FBXO32: variants seen among roughly 807,000 people sequenced by gnomAD.
The protein encoded by FBXO32 is F-box protein 32.
A neutral mutation model predicts 48.3 loss-of-function variants in FBXO32; 15 were observed. The observed-to-expected ratio is 0.31, with a 90% CI of 0.21 to 0.48. FBXO32 has a LOEUF of 0.48. FBXO32 is among the 20% of genes least tolerant of loss of function. FBXO32 has a pLI of 0.99. For synonymous variants in FBXO32, 154 were observed against 165.9 expected, an observed-to-expected ratio of 0.93 and a Z score of 0.55; for missense variants, 309 against 432.7, an observed-to-expected ratio of 0.71 and a Z score of 2.54.
chr8:123,512,534 T>C (rs903183497), intron 6 of FBXO32, among the ~76,000 whole-genome samples: 4 of 151,298 alleles, frequency 2.6e-5, no homozygotes, highest in African/African-American at 4.9e-5. Flanking sequence ...CCTCCCTTTT[T>C]TTTTTTTTTT....
In FBXO32 at chr8:123,503,430, T is replaced by C; in HGVS notation, c.1011A>G (p.Pro337=). 6.2e-7 allele frequency: 1 copy of C among 1,614,194 alleles called. No homozygotes were observed. The highest frequency in any genetic ancestry group is 1.1e-5 in the South Asian group (1 of 91,088). The change falls in exon 9 of 9, where the codon CCA becomes CCG. Residue 337 remains proline, a synonymous_variant. Coordinates refer to ENST00000517956, the MANE Select transcript of FBXO32 (RefSeq NM_058229.4). ...GTDHPCTANN[P]ESCSVSLSPQ... ...GTGAAAGTGAAACGGAGCAGCTCTC[T>C]GGGTTATTGGCAGTGCACGGATGGT...
chr8:123,540,820 T>C lies in FBXO32; in HGVS notation c.116+79A>G, dbSNP rs1253758099. 25 of 1,222,740 alleles carry C rather than the reference T, an allele frequency of 2.0e-5. No homozygotes were observed. The highest frequency in any genetic ancestry group is 2.6e-5 in the Non-Finnish European group (22 of 853,412). 75.7% of individuals were successfully genotyped at this position (1,222,740 alleles called of 1,614,324 possible). A position where few individuals can be genotyped will look rare whatever the true frequency, so the allele number is the denominator to read the frequency against. ...AGCCCGCTCCAGCCCTGCCTGCCCC[T>C]CATTCGCCGTCCCTGCGCCCCCCAG... On this transcript the variant is annotated intron_variant, in intron 1 of 8. Transcript: ENST00000517956. This position sits in a 1 kb window ranked among gnomAD's most constrained non-coding sequence, Gnocchi z 6.4.
intron 7 of FBXO32, 96 bp from the exon 8 acceptor site, chr8:123,504,843 C>T: frequency 1.6e-6 from 2 of 1,223,866 alleles, no homozygotes; most frequent in Non-Finnish European, 2.3e-6. Flanking sequence ...CTCACCCTTT[C>T]CCCCTCTTTT....
intron 4 of FBXO32, chr8:123,527,242 C>A (rs909761191): frequency 2.6e-5 from 4 of 152,178 alleles, no homozygotes; most frequent in Non-Finnish European, 5.9e-5. Flanking sequence ...CCCTCACTGG[C>A]TAGTGGCAGG....
At chr8:123,515,042 ATAT>A (rs2130520168) in intron 4 of FBXO32, among the ~76,000 whole-genome samples, 1 of 152,324 alleles carries the variant, frequency 6.6e-6, no homozygotes, top group Admixed American at 6.5e-5. Flanking sequence ...GCAAGTTACT[ATAT>A]TTCTTGGTGC....
At chr8:123,518,124 G>A (rs780429890) in intron 4 of FBXO32, among the ~76,000 whole-genome samples, 1 of 152,294 alleles carries the variant, frequency 6.6e-6, no homozygotes, top group South Asian at 2.1e-4. Context: ...CTATGTCACA[G>A]TTTCTGGTAT....
intron 4 of FBXO32, among the ~76,000 whole-genome samples, chr8:123,523,925 C>A (rs777746232): frequency 2.0e-5 from 3 of 152,146 alleles, no homozygotes; most frequent in African/African-American, 4.8e-5. Context: ...ACATACCAGG[C>A]GCGGTTCTAC....
Position 123,498,156 on chromosome 8 carries a change from GGCTGTAATATACGCCCACTTTA to G in FBXO32, c.*5195_*5216del, listed in dbSNP as rs1816395577. On this transcript the variant is annotated 3_prime_UTR_variant, in exon 9 of 9. Coordinates refer to ENST00000517956, the MANE Select transcript of FBXO32 (RefSeq NM_058229.4). ...TTAAAGCTTCTAAGCTTAGGACACA[GGCTGTAATATACGCCCACTTTA>G]GCCATGGTGATTGGCACTTGGTAGA... The G allele has an allele frequency of 6.6e-6, 1 of 152,210 alleles. No homozygotes were observed. Among genetic ancestry groups the G allele is most frequent in the South Asian group, 2.1e-4 (1 of 4,832 alleles). The allele number at this position is 152,210 out of a possible 1,614,324, so 9.4% of individuals were successfully genotyped here. A position where few individuals can be genotyped will look rare whatever the true frequency, so the allele number is the denominator to read the frequency against.
chr8:123,504,507 A>G, intron 8 of FBXO32, 97 bp downstream of exon 8: 1 of 959,044 alleles, frequency 1.0e-6, no homozygotes, highest in Non-Finnish European at 1.4e-6. Context: ...GTGATGGGGA[A>G]GAGGCGGAAA....
At chr8:123,518,931 C>T (rs1816893320) in intron 4 of FBXO32, among the ~76,000 whole-genome samples, 2 of 152,104 alleles carry the variant, frequency 1.3e-5, no homozygotes, top group African/African-American at 4.8e-5. Context: ...AAGCTATCTT[C>T]CCACCTCAGC....
intron 7 of FBXO32, 59 bp from the exon 8 acceptor site, chr8:123,504,806 G>A (rs1816579746): frequency 6.5e-7 from 1 of 1,549,944 alleles, no homozygotes; most frequent in South Asian, 1.2e-5. Context: ...GATGGCTTGT[G>A]GTTTTCCGGT....
intron 4 of FBXO32, among the ~76,000 whole-genome samples, chr8:123,519,174 A>G (rs1816898687): frequency 6.6e-6 from 1 of 152,150 alleles, no homozygotes; most frequent in African/African-American, 2.4e-5. Context: ...AGGCCAATCA[A>G]TTTGCATGGA....
At position 123,501,176 on chromosome 8, in the gene FBXO32, TA is replaced by T. The variant is rs1055499426; in HGVS notation, c.*2196del. The T allele has an allele frequency of 2.0e-5, 3 of 152,092 alleles. No homozygotes were observed. The highest frequency in any genetic ancestry group is 4.4e-5 in the Non-Finnish European group (3 of 68,014). The allele number at this position is 152,092 out of a possible 1,614,324, so 9.4% of individuals were successfully genotyped here. ...GTGGAAGGCCATGAACCCCTAAATC[TA>T]AAAATGTCACTAAGAGTCAAAAGTT... On this transcript the variant is annotated 3_prime_UTR_variant, in exon 9 of 9. Coordinates refer to ENST00000517956, the MANE Select transcript of FBXO32 (RefSeq NM_058229.4).
intron 4 of FBXO32, among the ~76,000 whole-genome samples, chr8:123,528,137 T>C (rs1242917234): frequency 6.6e-6 from 1 of 152,198 alleles, no homozygotes; most frequent in African/African-American, 2.4e-5. Flanking sequence ...ACTAATTAAA[T>C]CGGAAGCTCC....
chr8:123,529,907 T>G (rs1817163357), intron 4 of FBXO32, among the ~76,000 whole-genome samples: 1 of 152,190 alleles, frequency 6.6e-6, no homozygotes, highest in African/African-American at 2.4e-5. Flanking sequence ...GAAGATCAGT[T>G]TGTAATAAGA....
At chr8:123,539,407 C>T (rs990000001) in intron 1 of FBXO32, among the ~76,000 whole-genome samples, 6 of 152,212 alleles carry the variant, frequency 3.9e-5, no homozygotes, top group Admixed American at 2.0e-4. Context: ...TAACTCCAGT[C>T]GATAAAAGAC....
intron 4 of FBXO32, 38 bp downstream of exon 4, chr8:123,531,860 A>AT (rs750117127): frequency 6.2e-7 from 1 of 1,605,312 alleles, no homozygotes; most frequent in South Asian, 1.1e-5. Flanking sequence ...TCAACTTGGG[A>AT]AAGAGCCTGG....
intron 4 of FBXO32, among the ~76,000 whole-genome samples, chr8:123,517,131 G>A (rs1484538248): frequency 6.6e-6 from 1 of 152,176 alleles, no homozygotes; most frequent in Non-Finnish European, 1.5e-5. Flanking sequence ...CTTTTGAAGG[G>A]CAGTCAGCTG....
intron 4 of FBXO32, among the ~76,000 whole-genome samples, chr8:123,523,327 C>G (rs1289958924): frequency 6.6e-6 from 1 of 152,182 alleles, no homozygotes; most frequent in Non-Finnish European, 1.5e-5. Context: ...TGCGGTGGCT[C>G]ATGCCTGTAA....
Sources: gnomAD v4.1 joint callset for allele counts (sites outside exome capture counted in the v4.1 genomes callset) on GRCh38, gnomAD v4.1.1 for gene constraint, Gnocchi (gnomAD v3.1) non-coding constraint, MANE v1.5 for transcripts, NCBI Gene and HGNC (gene_info 2026-07-23, HGNC 2026-07-21) for gene names.